The following PCCA variants were observed in gnomAD, a reference collection of about 807,000 sequenced individuals.
PCCA encodes propionyl-CoA carboxylase subunit alpha.
A neutral mutation model predicts 101.3 loss-of-function variants in PCCA; 74 were observed. That is an observed-to-expected ratio of 0.73 (90% CI 0.61 to 0.89). The LOEUF is 0.89. PCCA is among the 40% of genes least tolerant of loss of function. The pLI, the probability that PCCA is intolerant of heterozygous loss-of-function variation, is 0.00. For missense variants in PCCA, 891 were observed against 907.0 expected, an observed-to-expected ratio of 0.98 and a Z score of 0.23; for synonymous variants, 294 against 313.6, an observed-to-expected ratio of 0.94 and a Z score of 0.66.
intron 6 of PCCA, among the ~76,000 whole-genome samples, chr13:100,168,603 C>A (rs2055299449): frequency 1.3e-5 from 2 of 152,192 alleles, no homozygotes; most frequent in African/African-American, 2.4e-5. Flanking sequence ...GGAAAATATT[C>A]AAGTTCTACC....
chr13:100,410,972 T>C (rs2078016601), intron 19 of PCCA, among the ~76,000 whole-genome samples: 1 of 152,206 alleles, frequency 6.6e-6, no homozygotes, highest in Non-Finnish European at 1.5e-5. Flanking sequence ...AGCCAGATAA[T>C]GTGAGGCAGT....
chr13:100,310,196 G>A (rs910498037), intron 16 of PCCA, among the ~76,000 whole-genome samples: 1 of 152,194 alleles, frequency 6.6e-6, no homozygotes, highest in African/African-American at 2.4e-5. Flanking sequence ...TCTTACAGAA[G>A]TAATATTGCT....
At chr13:100,216,181 C>T (rs2059501606) in intron 7 of PCCA, among the ~76,000 whole-genome samples, 1 of 150,650 alleles carries the variant, frequency 6.6e-6, no homozygotes, top group African/African-American at 2.4e-5. Flanking sequence ...GCATGTTTAG[C>T]AGACCATCTA....
intron 19 of PCCA, among the ~76,000 whole-genome samples, chr13:100,381,008 G>A (rs1330658075): frequency 6.6e-6 from 1 of 152,176 alleles, no homozygotes; most frequent in Non-Finnish European, 1.5e-5. Flanking sequence ...AAGGCATGGA[G>A]GGATCCAGAT....
intron 16 of PCCA, among the ~76,000 whole-genome samples, chr13:100,320,457 G>A (rs1161041590): frequency 1.3e-5 from 2 of 152,154 alleles, no homozygotes; most frequent in African/African-American, 4.8e-5. Context: ...TATTGGCTGT[G>A]GGTTTGTCAT....
intron 4 of PCCA, among the ~76,000 whole-genome samples, chr13:100,149,001 A>G (rs1469449887): frequency 6.6e-6 from 1 of 152,202 alleles, no homozygotes; most frequent in Non-Finnish European, 1.5e-5. Flanking sequence ...ATCTTTAAAA[A>G]AAATCATTTT....
intron 20 of PCCA, among the ~76,000 whole-genome samples, chr13:100,430,150 C>T (rs546647803): frequency 1.3e-5 from 2 of 152,086 alleles, no homozygotes; most frequent in South Asian, 4.2e-4. Context: ...TGGCGCATGC[C>T]TGTAATCCCA....
intron 7 of PCCA, among the ~76,000 whole-genome samples, chr13:100,214,035 C>T (rs552140984): frequency 6.6e-6 from 1 of 152,152 alleles, no homozygotes; most frequent in Non-Finnish European, 1.5e-5. Flanking sequence ...AGTGAATTCA[C>T]TATAGATATA....
intron 10 of PCCA, among the ~76,000 whole-genome samples, chr13:100,264,676 A>G (rs1422790363): frequency 1.3e-5 from 2 of 152,098 alleles, no homozygotes; most frequent in African/African-American, 2.4e-5. Context: ...TTAGAAATAA[A>G]TTGCTGTGTC....
chr13:100,487,902 A>AAT (rs763073572), intron 21 of PCCA, among the ~76,000 whole-genome samples: 13 of 151,416 alleles, frequency 8.6e-5, no homozygotes, highest in Non-Finnish European at 1.6e-4. Context: ...ATTAAAATAA[A>AAT]AAAAAAATGT....
intron 6 of PCCA, among the ~76,000 whole-genome samples, chr13:100,203,563 G>T (rs903157685): frequency 5.3e-5 from 8 of 151,996 alleles, no homozygotes; most frequent in African/African-American, 1.9e-4. Flanking sequence ...GCATGGTGGG[G>T]GGTGCCTGTA....
chr13:100,349,679 G>A (rs574317452), intron 18 of PCCA, among the ~76,000 whole-genome samples: 2 of 152,286 alleles, frequency 1.3e-5, no homozygotes, highest in South Asian at 4.2e-4. Context: ...AAATACTTCA[G>A]CCTGAAAGGT....
chr13:100,409,880 T>G (rs139823949), intron 19 of PCCA, among the ~76,000 whole-genome samples: 1 of 151,806 alleles, frequency 6.6e-6, no homozygotes, highest in Non-Finnish European at 1.5e-5. Flanking sequence ...CAACTGAACC[T>G]GTTGAGTAGC....
At chr13:100,463,040 G>A (rs1189333858) in intron 21 of PCCA, among the ~76,000 whole-genome samples, 1 of 152,198 alleles carries the variant, frequency 6.6e-6, no homozygotes, top group Non-Finnish European at 1.5e-5. Context: ...CCTGGAGATA[G>A]CAGGTTGTAG....
intron 12 of PCCA, among the ~76,000 whole-genome samples, chr13:100,291,524 C>T (rs2065121941): frequency 6.6e-6 from 1 of 152,212 alleles, no homozygotes; most frequent in African/African-American, 2.4e-5. Flanking sequence ...TCCTGTCCTT[C>T]AGCAGCTCTG....
intron 21 of PCCA, chr13:100,480,924 A>G (rs769515962): frequency 1.3e-5 from 2 of 152,272 alleles, no homozygotes; most frequent in Non-Finnish European, 2.9e-5. Context: ...ATCCATGTCA[A>G]AATCCCCAGG....
chr13:100,181,181 G>A (rs891251553), intron 6 of PCCA, among the ~76,000 whole-genome samples: 7 of 152,188 alleles, frequency 4.6e-5, no homozygotes, highest in Admixed American at 1.3e-4. Flanking sequence ...CCAGAATTGG[G>A]AGATATATTT....
At chr13:100,470,790 C>T (rs955226062) in intron 21 of PCCA, among the ~76,000 whole-genome samples, 24 of 152,100 alleles carry the variant, frequency 1.6e-4, no homozygotes, top group Non-Finnish European at 2.6e-4. Flanking sequence ...ACCCGGGAGG[C>T]GGAGGTTGCA....
chr13:100,470,880 T>A (rs2082958479), intron 21 of PCCA, among the ~76,000 whole-genome samples: 1 of 151,874 alleles, frequency 6.6e-6, no homozygotes, highest in Non-Finnish European at 1.5e-5. Context: ...ATAAAAAAAC[T>A]TTTCATATCA....
Sources: gnomAD v4.1 joint callset for allele counts (sites outside exome capture counted in the v4.1 genomes callset) on GRCh38, gnomAD v4.1.1 for gene constraint, MANE v1.5 for transcripts, NCBI Gene and HGNC (gene_info 2026-07-23, HGNC 2026-07-21) for gene names.